CHST9: variants seen among roughly 807,000 people sequenced by gnomAD.
CHST9 encodes the protein carbohydrate sulfotransferase 9.
Under a neutral mutation model 44.4 loss-of-function variants are expected in CHST9, and 41 were observed. The ratio of observed to expected loss-of-function variants is 0.92; its 90% confidence interval spans 0.72 to 1.20. The LOEUF (loss-of-function observed/expected upper bound fraction) is 1.20, where lower values mean the gene tolerates loss of function less well. Ranked by LOEUF, CHST9 falls within the 50% of genes most tolerant of loss-of-function variation. The pLI is 0.00. For missense variants in CHST9, 504 were observed against 516.5 expected (o/e 0.98, Z 0.23); for synonymous variants, 171 against 178.4 (o/e 0.96, Z 0.33).
intron 4 of CHST9, among the ~76,000 whole-genome samples, chr18:26,948,308 G>T (rs925369301): frequency 1.3e-5 from 2 of 152,110 alleles, no homozygotes; most frequent in South Asian, 2.1e-4. Context: ...ATGATGGGTT[G>T]ATGGGTGCAG....
At position 27,053,276 on chromosome 18, in the gene CHST9, GA is replaced by G. The variant is rs1568151297; in HGVS notation, c.122-4774del. On this transcript the variant is annotated intron_variant, in intron 2 of 5. Transcript: ENST00000618847. ...AGAAGAAGAAGGAGAAGGAGAAGGA[GA>G]AGGAGAAGGAGAAGGAGAAGGAGAA... is the stretch of plus-strand genomic sequence containing the variant. Among the ~76,000 whole-genome samples the G allele has an allele frequency of 2.9e-4, 38 of 130,054 alleles. 2 individuals are homozygous for G. The highest frequency in any genetic ancestry group is 9.4e-4 in the African/African-American group (31 of 32,900). 85.3% of individuals were successfully genotyped at this position (130,054 alleles called of 152,430 possible). A position where few individuals can be genotyped will look rare whatever the true frequency, so the allele number is the denominator to read the frequency against.
At chr18:26,920,166 C>T (rs564016006) in intron 5 of CHST9, among the ~76,000 whole-genome samples, 1 of 152,318 alleles carries the variant, frequency 6.6e-6, no homozygotes, top group Admixed American at 6.5e-5. Flanking sequence ...GAGGAGCTCT[C>T]CACTTCACAT....
intron 1 of CHST9, among the ~76,000 whole-genome samples, chr18:27,171,737 T>C (rs2058835064): frequency 6.6e-6 from 1 of 152,210 alleles, no homozygotes; most frequent in East Asian, 1.9e-4. Flanking sequence ...GAGTTCTACA[T>C]GCAATATCAG....
In CHST9 at chr18:26,909,001, C is replaced by T. The variant is rs1348593686; in HGVS notation, c.*7258G>A. On this transcript the variant is annotated 3_prime_UTR_variant, in exon 6 of 6. Coordinates refer to ENST00000618847, the MANE Select transcript of CHST9 (RefSeq NM_031422.6). The stretch of plus-strand genomic sequence containing the variant: ...AGTTGCCAAAATTGCCTTCAGTACA[C>T]ATTTGTCTTTTATATTTCAAACAGA... The T allele has an allele frequency of 1.3e-5, 2 of 152,214 alleles. No homozygotes were observed. Among genetic ancestry groups the T allele is most frequent in the African/African-American group, 2.4e-5 (1 of 41,462 alleles). 9.4% of individuals were successfully genotyped at this position (152,214 alleles called of 1,614,324 possible). A position where few individuals can be genotyped will look rare whatever the true frequency, so the allele number is the denominator to read the frequency against.
rs2057256340 is a variant in CHST9 at position 27,024,083 on chromosome 18, C to T, written c.202+33G>A. The T allele has an allele frequency of 4.4e-6, 7 of 1,604,462 alleles. No individual in the cohort carries two copies. The Admixed American group carries it at 1.0e-4, about 23-fold the overall frequency. On this transcript the variant is annotated intron_variant, in intron 4 of 5. Transcript: ENST00000618847. ...TGTTGCTCTGCTTATCTATAACTAC[C>T]CAAGATTCAAACATTATGAGGAAGT...
chr18:27,020,294 G>A (rs904697366), intron 4 of CHST9, among the ~76,000 whole-genome samples: 4 of 152,242 alleles, frequency 2.6e-5, no homozygotes, highest in African/African-American at 7.2e-5. Flanking sequence ...GGGTAGTAAT[G>A]TGCCATGGGG....
intron 1 of CHST9, among the ~76,000 whole-genome samples, chr18:27,158,531 T>G (rs1231521171): frequency 6.6e-6 from 1 of 151,666 alleles, no homozygotes; most frequent in African/African-American, 2.4e-5. Context: ...TGGTTCCAAG[T>G]CTTTGCTATT....
chr18:26,918,942 C>T (rs1750791992), intron 5 of CHST9, among the ~76,000 whole-genome samples: 3 of 152,020 alleles, frequency 2.0e-5, no homozygotes, highest in Admixed American at 2.0e-4. Context: ...GTTTAATGAA[C>T]TCACAGTTCC....
chr18:27,044,775 C>T (rs963282451), intron 3 of CHST9, among the ~76,000 whole-genome samples: 4 of 151,798 alleles, frequency 2.6e-5, no homozygotes, highest in African/African-American at 9.7e-5. Context: ...TATTTGCATT[C>T]AATAAATGTG....
chr18:26,933,638 T>A (rs1433766372), intron 5 of CHST9: 2 of 153,744 alleles, frequency 1.3e-5, no homozygotes, highest in African/African-American at 2.4e-5. Context: ...GCTGGAAGAA[T>A]TAATAAGCAA....
chr18:27,000,550 C>A (rs2145225392), intron 4 of CHST9, among the ~76,000 whole-genome samples: 1 of 152,246 alleles, frequency 6.6e-6, no homozygotes, highest in East Asian at 1.9e-4. Context: ...GCCTAGCAGT[C>A]CACAGCCTAC....
chr18:27,141,217 T>C (rs1318916760), intron 2 of CHST9, among the ~76,000 whole-genome samples: 1 of 151,966 alleles, frequency 6.6e-6, no homozygotes, highest in African/African-American at 2.4e-5. Flanking sequence ...AAAAAGAAAT[T>C]AGCCGGGCGT....
chr18:26,917,454 A>G (rs768506979), intron 5 of CHST9, 104 bp from the exon 6 acceptor site: 2 of 1,294,776 alleles, frequency 1.5e-6, no homozygotes, highest in Non-Finnish European at 2.1e-6. Flanking sequence ...CAAGGAGAGC[A>G]TATTTCATAT....
intron 4 of CHST9, among the ~76,000 whole-genome samples, chr18:26,968,265 G>T (rs1175942): frequency 0.64 from 97,763 of 151,922 alleles, 31,881 homozygotes; most frequent in African/African-American, 0.73. Flanking sequence ...GACCAAAAAA[G>T]ATATATTATA....
intron 4 of CHST9, among the ~76,000 whole-genome samples, chr18:26,983,948 G>C (rs2056723885): frequency 6.6e-6 from 1 of 152,196 alleles, no homozygotes; most frequent in Admixed American, 6.5e-5. Flanking sequence ...TCAAGACCCT[G>C]TTCTTTTCTA....
intron 2 of CHST9, among the ~76,000 whole-genome samples, chr18:27,082,769 A>G (rs975667136): frequency 6.6e-6 from 1 of 152,166 alleles, no homozygotes; most frequent in East Asian, 1.9e-4. Flanking sequence ...TGACAGTATA[A>G]GAGGAACCCA....
At chr18:26,938,779 A>T (rs2056037929) in intron 5 of CHST9, among the ~76,000 whole-genome samples, 1 of 152,110 alleles carries the variant, frequency 6.6e-6, no homozygotes, top group Non-Finnish European at 1.5e-5. Flanking sequence ...TCATTTCCTG[A>T]CTGTGTGACC....
chr18:27,108,026 A>T (rs1015378031), intron 2 of CHST9, among the ~76,000 whole-genome samples: 2 of 152,118 alleles, frequency 1.3e-5, no homozygotes, highest in Non-Finnish European at 2.9e-5. Flanking sequence ...TCTTCCATTT[A>T]TCCTAAGCAG....
intron 5 of CHST9, among the ~76,000 whole-genome samples, chr18:26,917,663 G>A (rs913431242): frequency 6.6e-6 from 1 of 152,104 alleles, no homozygotes; most frequent in African/African-American, 2.4e-5. Flanking sequence ...ATATTAATAA[G>A]TATGTCATCT....
Sources: gnomAD v4.1 joint callset for allele counts (sites outside exome capture counted in the v4.1 genomes callset) on GRCh38, gnomAD v4.1.1 for gene constraint, MANE v1.5 for transcripts, NCBI Gene and HGNC (gene_info 2026-07-23, HGNC 2026-07-21) for gene names.